The following PICALM variants were observed in gnomAD, a reference collection of about 807,000 sequenced individuals.
PICALM encodes phosphatidylinositol-binding clathrin assembly protein.
PICALM carries 40 observed loss-of-function variants against 80.5 expected under a neutral mutation model. That is an observed-to-expected ratio of 0.50 (90% CI 0.39 to 0.65). PICALM has a LOEUF of 0.65. Ranked by LOEUF, PICALM falls within the 30% of genes least tolerant of loss-of-function variation. PICALM has a pLI of 0.00. For missense variants in PICALM, 676 were observed against 778.9 expected, an observed-to-expected ratio of 0.87 and a Z score of 1.57; for synonymous variants, 288 against 260.3, an observed-to-expected ratio of 1.11 and a Z score of -1.02.
chr11:86,049,322 C>T (rs546534634), intron 1 of PICALM, among the ~76,000 whole-genome samples: 8 of 152,202 alleles, frequency 5.3e-5, no homozygotes, highest in East Asian at 1.9e-4. Flanking sequence ...ATCTTTACTC[C>T]GGTTCCATAC....
chr11:85,959,723 A>G (rs962781254), intron 19 of PICALM, among the ~76,000 whole-genome samples: 1 of 150,606 alleles, frequency 6.6e-6, no homozygotes, highest in South Asian at 2.1e-4. Context: ...AGGACTGCAG[A>G]CAGTCGCCAC....
At chr11:86,056,717 T>C (rs768709565) in intron 1 of PICALM, among the ~76,000 whole-genome samples, 2 of 152,212 alleles carry the variant, frequency 1.3e-5, no homozygotes, top group East Asian at 1.9e-4. Context: ...AAAACTTGTA[T>C]GTGAATGTTC....
chr11:86,061,299 C>G (rs1367034912), intron 1 of PICALM, among the ~76,000 whole-genome samples: 1 of 141,494 alleles, frequency 7.1e-6, no homozygotes, highest in Non-Finnish European at 1.5e-5. Flanking sequence ...CCATTGCACT[C>G]CAGCCCGGGA....
chr11:85,989,018 T>C (rs2094677934), intron 13 of PICALM, among the ~76,000 whole-genome samples: 1 of 152,184 alleles, frequency 6.6e-6, no homozygotes, highest in Non-Finnish European at 1.5e-5. Flanking sequence ...CGACTCTCCT[T>C]TATGTACAAT....
At chr11:85,978,097 T>C in intron 17 of PICALM, 1 of 1,611,778 alleles carries the variant, frequency 6.2e-7, no homozygotes, top group Non-Finnish European at 8.5e-7. Context: ...TGCCATTCTG[T>C]TTTTCCCAGG....
chr11:86,024,070 A>C (rs1348002091), intron 3 of PICALM, among the ~76,000 whole-genome samples: 1 of 152,146 alleles, frequency 6.6e-6, no homozygotes, highest in African/African-American at 2.4e-5. Flanking sequence ...TAGAGGCTGC[A>C]GTGAGCTACG....
At chr11:86,069,221 G>A (rs2096487570), upstream of PICALM, 1 of 183,374 alleles carries the variant, frequency 5.5e-6, no homozygotes, top group African/African-American at 2.4e-5. Flanking sequence ...AGCGAGGGAA[G>A]AGCTGGGCGG....
chr11:86,068,858 C>T lies in PICALM; in HGVS notation c.-78G>A. The T allele has an allele frequency of 6.8e-7, 1 of 1,480,690 alleles. No individual in the cohort carries two copies. The highest frequency in any genetic ancestry group is 8.9e-7 in the Non-Finnish European group (1 of 1,117,582). The allele number at this position is 1,480,690 out of a possible 1,614,324, so 91.7% of individuals were successfully genotyped here. A position where few individuals can be genotyped will look rare whatever the true frequency, so the allele number is the denominator to read the frequency against. ...CCCCCAAGAGCCGGAGGGTCCCCAC[C>T]CCCCACCGCACCCCCTACCCCCACC... On this transcript the variant is annotated 5_prime_UTR_variant, in exon 1 of 20. Transcript: ENST00000393346.
At chr11:86,044,988 C>T (rs1443316369) in intron 1 of PICALM, among the ~76,000 whole-genome samples, 1 of 152,162 alleles carries the variant, frequency 6.6e-6, no homozygotes, top group Non-Finnish European at 1.5e-5. Context: ...CACTGAGTAA[C>T]AAGTGAAAGC....
At chr11:85,962,094 C>T (rs2093708513) in intron 19 of PICALM, among the ~76,000 whole-genome samples, 1 of 152,074 alleles carries the variant, frequency 6.6e-6, no homozygotes, top group Non-Finnish European at 1.5e-5. Flanking sequence ...GATGGAATCA[C>T]GCAGGCAGCT....
At chr11:86,048,837 CAAAAAAAAA>C (rs36076234) in intron 1 of PICALM, among the ~76,000 whole-genome samples, 2 of 102,046 alleles carry the variant, frequency 2.0e-5, no homozygotes, top group African/African-American at 3.9e-5. Flanking sequence ...AACTCCGTCT[CAAAAAAAAA>C]AAAAAAAAAA....
intron 19 of PICALM, among the ~76,000 whole-genome samples, chr11:85,971,194 G>C (rs938011976): frequency 1.4e-4 from 22 of 152,266 alleles, no homozygotes; most frequent in African/African-American, 5.1e-4. Flanking sequence ...TATTTTCCTA[G>C]TTATCAATTT....
chr11:85,981,106 T>C (rs982242065), intron 17 of PICALM, 23 bp downstream of exon 17: 20 of 1,103,654 alleles, frequency 1.8e-5, no homozygotes, highest in Non-Finnish European at 2.6e-5. Flanking sequence ...ACTGTTAGTC[T>C]ATCAGGAGCT....
rs760823152 is a variant in PICALM, at chr11:85,976,584, AAT to A, written c.1839+37_1839+38del. 13 of 1,196,998 alleles carry A rather than the reference AAT, an allele frequency of 1.1e-5. No homozygotes were observed. The African/African-American group carries it at 1.9e-4, about 18-fold the overall frequency. The allele number at this position is 1,196,998 out of a possible 1,614,324, so 74.1% of individuals were successfully genotyped here. A position where few individuals can be genotyped will look rare whatever the true frequency, so the allele number is the denominator to read the frequency against. ...AATAAAAACATGTTATATATGAATC[AAT>A]ATTTTTTCCAAAAGCTGTACCTAGG... On this transcript the variant is annotated intron_variant, in intron 18 of 19. Transcript: ENST00000393346.
intron 1 of PICALM, among the ~76,000 whole-genome samples, chr11:86,055,196 G>T (rs1383900340): frequency 6.6e-6 from 1 of 151,844 alleles, no homozygotes; most frequent in Non-Finnish European, 1.5e-5. Flanking sequence ...CAGGCGTGGT[G>T]GCACACGTCT....
At chr11:85,974,367 T>A (rs779118072) in intron 19 of PICALM, 72 of 463,628 alleles carry the variant, frequency 1.6e-4, no homozygotes, top group Admixed American at 3.1e-4. Flanking sequence ...GCCAAGGAAC[T>A]AAAGCTCTGA....
intron 19 of PICALM, among the ~76,000 whole-genome samples, chr11:85,970,803 C>T (rs1181982323): frequency 2.6e-5 from 4 of 152,064 alleles, no homozygotes; most frequent in African/African-American, 7.2e-5. Context: ...ACTCCATTAC[C>T]CACACACAAA....
intron 19 of PICALM, among the ~76,000 whole-genome samples, chr11:85,960,303 T>C (rs1455759247): frequency 6.6e-6 from 1 of 152,150 alleles, no homozygotes; most frequent in East Asian, 1.9e-4. Context: ...GGCTAGAGCA[T>C]CAAGAAGAAC....
At chr11:86,034,682 G>A (rs2095811806) in intron 1 of PICALM, among the ~76,000 whole-genome samples, 1 of 151,794 alleles carries the variant, frequency 6.6e-6, no homozygotes, top group South Asian at 2.1e-4. Context: ...AGTACCACAT[G>A]GCACGTAGGT....
Sources: allele counts gnomAD v4.1 joint callset (sites outside exome capture counted in the v4.1 genomes callset), GRCh38; gene constraint gnomAD v4.1.1; transcripts MANE v1.5; gene names NCBI Gene and HGNC (gene_info 2026-07-23, HGNC 2026-07-21).